Variants in KCNH7 observed in about 807,000 individuals in gnomAD.
KCNH7 encodes the protein potassium voltage-gated channel subfamily H member 7.
KCNH7 carries 49 observed loss-of-function variants against 120.8 expected under a neutral mutation model. That is an observed-to-expected ratio of 0.41 (90% confidence interval 0.32 to 0.51). The LOEUF (loss-of-function observed/expected upper bound fraction) is 0.51, where lower values mean the gene tolerates loss of function less well. Ranked by LOEUF, KCNH7 falls within the 20% of genes least tolerant of loss-of-function variation. The pLI, the probability that KCNH7 is intolerant of heterozygous loss-of-function variation, is 0.38. For synonymous variants in KCNH7, 547 were observed against 516.1 expected, an observed-to-expected ratio of 1.06 and a Z score of -0.81; for missense variants, 1,097 against 1,446.6, an observed-to-expected ratio of 0.76 and a Z score of 3.92.
intron 2 of KCNH7, among the ~76,000 whole-genome samples, chr2:162,633,834 A>C (rs12614253): frequency 0.022 from 3,407 of 152,054 alleles, 121 homozygotes; most frequent in East Asian, 0.18. Context: ...TTTTTCAAAA[A>C]TTTCCTAGAA....
Position 162,838,585 on chromosome 2 carries a change from C to T in KCNH7, c.-67G>A. ...GAGTTCTCCCGGGATCTCTCCTCGGCTAGAGCCCAGGCCAGCGCGCGAGCC... is the reference window on the plus strand; with the variant it reads ...GAGTTCTCCCGGGATCTCTCCTCGGTTAGAGCCCAGGCCAGCGCGCGAGCC... On this transcript the variant is annotated 5_prime_UTR_variant, in exon 1 of 16. An upstream open reading frame in the 5' UTR loses its in-frame stop. Coordinates refer to ENST00000332142, the MANE Select transcript of KCNH7 (RefSeq NM_033272.4). The T allele has an allele frequency of 1.5e-6, 2 of 1,352,056 alleles. No homozygotes were observed. Among genetic ancestry groups the T allele is most frequent in the Admixed American group, 1.8e-5 (1 of 54,294 alleles). 83.8% of individuals were successfully genotyped at this position (1,352,056 alleles called of 1,614,324 possible).
At chr2:162,645,872 T>TGA (rs1027289796) in intron 2 of KCNH7, among the ~76,000 whole-genome samples, 1 of 152,068 alleles carries the variant, frequency 6.6e-6, no homozygotes, top group Admixed American at 6.5e-5. Flanking sequence ...TGCTGTCCAG[T>TGA]GAGAGAATTT....
At position 162,384,886 on chromosome 2, in the gene KCNH7, T is replaced by G; in HGVS notation, c.2764A>C (p.Ser922Arg). 1.9e-6 allele frequency: 3 copies of G among 1,612,204 alleles called. No individual in the cohort carries two copies. Among genetic ancestry groups the G allele is most frequent in the Non-Finnish European group, 2.5e-6 (3 of 1,178,608 alleles). Residue 922 changes from serine (S) to arginine (R), a missense_variant, in exon 13 of 16, where the codon AGT (serine) becomes CGT (arginine). Physicochemically the swap from Ser to Arg is moderately radical, Grantham distance 110. This residue lies in a region of KCNH7 where 406 missense variants were observed against 410.5 expected (regional missense o/e 0.99). Coordinates refer to ENST00000332142, the MANE Select transcript of KCNH7 (RefSeq NM_033272.4). The part of the protein sequence containing the change: ...DSADTIRHYQ[S>R]SKRHFEEKKS... ...TTCTCTTCAAAGTGTCTCTTGGAAC[T>G]CTGATAATGTCTTATGGTATCTGCA...
intron 3 of KCNH7, among the ~76,000 whole-genome samples, chr2:162,520,664 G>C (rs1486505191): frequency 6.6e-6 from 1 of 151,852 alleles, no homozygotes. Context: ...AGCCAGTCGG[G>C]AGGCTGCAGT....
intron 2 of KCNH7, among the ~76,000 whole-genome samples, chr2:162,654,426 G>C: frequency 6.6e-6 from 1 of 151,144 alleles, no homozygotes; most frequent in African/African-American, 2.4e-5. Flanking sequence ...TCAGAGAAAG[G>C]CAAATTAAAC....
intron 2 of KCNH7, among the ~76,000 whole-genome samples, chr2:162,626,941 A>G (rs374212750): frequency 6.6e-6 from 1 of 152,218 alleles, no homozygotes; most frequent in Non-Finnish European, 1.5e-5. Flanking sequence ...ATCAAAGATA[A>G]GAATTTTAAA....
At chr2:162,805,624 C>T (rs773374085) in intron 2 of KCNH7, among the ~76,000 whole-genome samples, 2 of 150,726 alleles carry the variant, frequency 1.3e-5, no homozygotes, top group Non-Finnish European at 3.0e-5. Context: ...AATGCTTATA[C>T]ATTGCTGGTG....
intron 2 of KCNH7, among the ~76,000 whole-genome samples, chr2:162,813,686 T>C (rs1451388657): frequency 6.6e-6 from 1 of 152,234 alleles, no homozygotes; most frequent in East Asian, 1.9e-4. Flanking sequence ...ATTTGTATTC[T>C]CTTTTACATT....
intron 2 of KCNH7, among the ~76,000 whole-genome samples, chr2:162,758,919 G>GA (rs1688877827): frequency 6.6e-6 from 1 of 152,082 alleles, no homozygotes; most frequent in Non-Finnish European, 1.5e-5. Context: ...AAATATGAAG[G>GA]AAAAATCAGT....
chr2:162,771,551 T>C (rs1379722694), intron 2 of KCNH7, among the ~76,000 whole-genome samples: 1 of 152,158 alleles, frequency 6.6e-6, no homozygotes, highest in Non-Finnish European at 1.5e-5. Context: ...TTTTATTGCC[T>C]CTACTAGATT....
chr2:162,561,834 G>A (rs1455208578), intron 2 of KCNH7, among the ~76,000 whole-genome samples: 3 of 152,242 alleles, frequency 2.0e-5, no homozygotes, highest in Middle Eastern at 3.4e-3. Context: ...GTGATAGACC[G>A]AATAAAGAAA....
intron 2 of KCNH7, among the ~76,000 whole-genome samples, chr2:162,616,038 A>C (rs1441168796): frequency 9.2e-5 from 14 of 152,208 alleles, no homozygotes; most frequent in Admixed American, 8.5e-4. Context: ...TTCAAATCGA[A>C]AGTGTTGCTG....
chr2:162,683,515 C>A (rs1444203504), intron 2 of KCNH7, among the ~76,000 whole-genome samples: 1 of 151,864 alleles, frequency 6.6e-6, no homozygotes, highest in Non-Finnish European at 1.5e-5. Context: ...AAGGAAACTA[C>A]TCCAGAATAT....
intron 11 of KCNH7, among the ~76,000 whole-genome samples, chr2:162,394,972 T>C (rs1003169793): frequency 1.1e-4 from 16 of 151,846 alleles, no homozygotes; most frequent in African/African-American, 3.9e-4. Flanking sequence ...GATGATGAGA[T>C]GATGATCTTT....
intron 15 of KCNH7, 98 bp from the exon 16 acceptor site, chr2:162,372,193 T>A: frequency 2.0e-6 from 2 of 991,592 alleles, no homozygotes; most frequent in Non-Finnish European, 2.9e-6. Context: ...CTTTCCTCAT[T>A]AATCTATATT....
intron 3 of KCNH7, among the ~76,000 whole-genome samples, chr2:162,519,184 T>C (rs564755159): frequency 6.6e-6 from 1 of 151,912 alleles, no homozygotes; most frequent in South Asian, 2.1e-4. Context: ...TCTATTAAAG[T>C]GAAAAAACAT....
intron 8 of KCNH7, among the ~76,000 whole-genome samples, chr2:162,426,680 C>T (rs996888424): frequency 6.6e-6 from 1 of 151,824 alleles, no homozygotes; most frequent in African/African-American, 2.4e-5. Context: ...ATTTCTACTA[C>T]ATAAATTTAA....
chr2:162,807,994 A>G (rs1282084601), intron 2 of KCNH7, among the ~76,000 whole-genome samples: 2 of 152,002 alleles, frequency 1.3e-5, no homozygotes, highest in African/African-American at 4.8e-5. Context: ...CTTTTCATCC[A>G]TTTATCTGTT....
At chr2:162,827,583 A>G (rs962195913) in intron 2 of KCNH7, among the ~76,000 whole-genome samples, 31 of 152,156 alleles carry the variant, frequency 2.0e-4, no homozygotes, top group African/African-American at 7.5e-4. Context: ...GCCATGCTTT[A>G]TTCACTCTTT....
Sources: allele counts gnomAD v4.1 joint callset (sites outside exome capture counted in the v4.1 genomes callset), GRCh38; gene constraint gnomAD v4.1.1; regional missense constraint gnomAD v4.1.1; transcripts MANE v1.5; gene names NCBI Gene and HGNC (gene_info 2026-07-23, HGNC 2026-07-21).